RHBDL2: variants seen among roughly 807,000 people sequenced by gnomAD.
RHBDL2 encodes the protein rhomboid like 2.
A neutral mutation model predicts 31.7 loss-of-function variants in RHBDL2; 26 were observed. The observed-to-expected ratio is 0.82, with a 90% CI of 0.60 to 1.14. RHBDL2 has a LOEUF of 1.14. RHBDL2 is among the 50% of genes most tolerant of loss of function. The probability of loss-of-function intolerance (pLI) is 0.00; values close to 1 mark genes in which losing one functional copy is unlikely to be tolerated. For synonymous variants in RHBDL2, 123 were observed against 127.2 expected (o/e 0.97, Z 0.22); for missense variants, 336 against 364.4 (o/e 0.92, Z 0.63).
intron 4 of RHBDL2, among the ~76,000 whole-genome samples, chr1:38,903,922 A>G (rs1252404848): frequency 6.6e-6 from 1 of 152,202 alleles, no homozygotes; most frequent in Non-Finnish European, 1.5e-5. Context: ...ATATATACAA[A>G]CAACAACTTC....
chr1:38,891,223 T>C (rs562973116), intron 6 of RHBDL2, among the ~76,000 whole-genome samples: 1 of 118,144 alleles, frequency 8.5e-6, no homozygotes, highest in Non-Finnish European at 1.6e-5. Flanking sequence ...ATCACACCAC[T>C]ACACTCCAGC....
At chr1:38,914,030 TG>T (rs1387710464) in intron 3 of RHBDL2, among the ~76,000 whole-genome samples, 1 of 151,136 alleles carries the variant, frequency 6.6e-6, no homozygotes, top group Non-Finnish European at 1.5e-5. Flanking sequence ...GGCAGGAGAA[TG>T]GCTTAAACCA....
intron 4 of RHBDL2, among the ~76,000 whole-genome samples, chr1:38,897,605 C>T (rs1642935624): frequency 6.6e-6 from 1 of 152,112 alleles, no homozygotes; most frequent in Admixed American, 6.6e-5. Context: ...GTCCTTGCTA[C>T]TCAAGAGGCT....
chr1:38,931,189 G>T (rs1473070238), intron 1 of RHBDL2, among the ~76,000 whole-genome samples: 1 of 152,190 alleles, frequency 6.6e-6, no homozygotes, highest in African/African-American at 2.4e-5. Context: ...CTGCCCTAGA[G>T]ATTTGGATTC....
intron 1 of RHBDL2, among the ~76,000 whole-genome samples, chr1:38,928,220 C>T (rs2124349777): frequency 1.3e-5 from 2 of 148,900 alleles, no homozygotes; most frequent in Non-Finnish European, 3.0e-5. Flanking sequence ...TGGCTCACTG[C>T]AACCTCCACC....
At chr1:38,900,200 AC>A (rs1642972071) in intron 4 of RHBDL2, among the ~76,000 whole-genome samples, 1 of 152,214 alleles carries the variant, frequency 6.6e-6, no homozygotes. Flanking sequence ...CAGGTAGATC[AC>A]TTGAGGTCAG....
chr1:38,886,594 T>C lies in RHBDL2; in HGVS notation c.822A>G (p.Lys274=). The stretch of plus-strand genomic sequence containing the variant: ...CAATTGCTATCCAAAACCTTGGATC[T>C]TTCAGCAGTGCTTTATCAAAGCAGC... The part of the protein sequence containing the change: ...VFSCFDKALL[K]DPRFWIAIAA... Residue 274 remains lysine, a synonymous_variant, in exon 8 of 8, where the codon AAA becomes AAG. Transcript: ENST00000372990. 1 of 1,609,324 alleles carries C rather than the reference T, an allele frequency of 6.2e-7. No individual in the cohort carries two copies. Among genetic ancestry groups the C allele is most frequent in the Non-Finnish European group, 8.5e-7 (1 of 1,177,048 alleles).
chr1:38,895,917 C>A, intron 5 of RHBDL2, 52 bp downstream of exon 5: 1 of 1,156,018 alleles, frequency 8.7e-7, no homozygotes, highest in African/African-American at 1.5e-5. Flanking sequence ...AGAAGAGTTA[C>A]TGTTTTCTGT....
chr1:38,920,166 C>CTTTTTTTTTT (rs71057165), intron 1 of RHBDL2, among the ~76,000 whole-genome samples: 22 of 111,382 alleles, frequency 2.0e-4, no homozygotes, highest in Non-Finnish European at 3.1e-4. Flanking sequence ...CACATGTTTT[C>CTTTTTTTTTT]TTTTTTTTTT....
chr1:38,918,954 G>T lies in RHBDL2; in HGVS notation c.246+13C>A. 2 of 1,606,894 alleles carry T rather than the reference G, an allele frequency of 1.2e-6. No homozygotes were observed. ...TGCCACTTACCCCGGTGCCCACCCCGCTCCCCATTCACCTCGGCCAGGCTG... is the reference window on the plus strand; with the variant it reads ...TGCCACTTACCCCGGTGCCCACCCCTCTCCCCATTCACCTCGGCCAGGCTG... On this transcript the variant is annotated intron_variant, in intron 2 of 7. Transcript: ENST00000372990.
At chr1:38,909,305 C>T (rs528576580) in intron 4 of RHBDL2, among the ~76,000 whole-genome samples, 1 of 152,278 alleles carries the variant, frequency 6.6e-6, no homozygotes, top group Admixed American at 6.5e-5. Context: ...CTCCTCTACC[C>T]AGCACTTCCC....
Position 38,919,117 on chromosome 1 carries a change from C to T in RHBDL2, c.96G>A (p.Glu32=). The part of the protein sequence containing the change: ...EELEEEEKMR[E]DGGGKDRAKS... Reference sequence around the variant, plus strand: ...TGGCCCGATCTTTACCTCCCCCATCCTCTCTCATTTTCTCCTCTTCCTCCA... The same window carrying T: ...TGGCCCGATCTTTACCTCCCCCATCTTCTCTCATTTTCTCCTCTTCCTCCA... The change falls in exon 2 of 8, where the codon GAG becomes GAA. Residue 32 remains glutamate (E), a synonymous_variant. Transcript: ENST00000372990. 1 of 1,614,136 alleles carries T rather than the reference C, an allele frequency of 6.2e-7. No homozygotes were observed. The highest frequency in any genetic ancestry group is 8.5e-7 in the Non-Finnish European group (1 of 1,180,030).
At chr1:38,937,060 G>A (rs1436576006) in intron 1 of RHBDL2, among the ~76,000 whole-genome samples, 7 of 151,306 alleles carry the variant, frequency 4.6e-5, no homozygotes, top group Non-Finnish European at 8.8e-5. Flanking sequence ...CCATTCTCCT[G>A]CCTCAGCCTC....
chr1:38,902,612 G>A (rs188855267), intron 4 of RHBDL2, among the ~76,000 whole-genome samples: 138 of 151,836 alleles, frequency 9.1e-4, no homozygotes, highest in Admixed American at 1.8e-3. Context: ...AATAGAGACG[G>A]GGTTTCACCA....
chr1:38,921,402 A>G (rs1181171830), intron 1 of RHBDL2, among the ~76,000 whole-genome samples: 1 of 152,152 alleles, frequency 6.6e-6, no homozygotes, highest in African/African-American at 2.4e-5. Context: ...AAAGAACTGT[A>G]TCTGGCACGT....
intron 4 of RHBDL2, among the ~76,000 whole-genome samples, chr1:38,905,078 C>T (rs1043096963): frequency 3.3e-5 from 5 of 150,392 alleles, no homozygotes; most frequent in African/African-American, 9.8e-5. Context: ...ATATTTATAA[C>T]GTCTCCTCTC....
At chr1:38,894,425 C>T (rs952389615) in intron 5 of RHBDL2, among the ~76,000 whole-genome samples, 4 of 152,116 alleles carry the variant, frequency 2.6e-5, no homozygotes, top group South Asian at 2.1e-4. Flanking sequence ...CGGGTTCAAG[C>T]GATTCTCCTG....
chr1:38,927,877 G>C (rs1035081795), intron 1 of RHBDL2, among the ~76,000 whole-genome samples: 12 of 152,002 alleles, frequency 7.9e-5, no homozygotes, highest in African/African-American at 2.4e-4. Flanking sequence ...AGAAACCCAG[G>C]CTCCCAAAGT....
chr1:38,891,409 C>T (rs1297087444), intron 6 of RHBDL2, among the ~76,000 whole-genome samples: 1 of 152,082 alleles, frequency 6.6e-6, no homozygotes. Context: ...TGTAACTCTT[C>T]CCATTTTCAA....
Sources: allele counts gnomAD v4.1 joint callset (sites outside exome capture counted in the v4.1 genomes callset), GRCh38; gene constraint gnomAD v4.1.1; transcripts MANE v1.5; gene names NCBI Gene and HGNC (gene_info 2026-07-23, HGNC 2026-07-21).